Variants in NFAT5 observed in about 807,000 individuals in gnomAD.
NFAT5 encodes the protein nuclear factor of activated T-cells 5.
NFAT5 carries 31 observed loss-of-function variants against 166.5 expected under a neutral mutation model. The ratio of observed to expected loss-of-function variants is 0.19; its 90% CI spans 0.14 to 0.25. NFAT5 has a LOEUF of 0.25. NFAT5 is among the 10% of genes least tolerant of loss of function. The pLI is 1.00. For missense variants in NFAT5, 1,449 were observed against 1,821.8 expected, an observed-to-expected ratio of 0.80 and a Z score of 3.72; for synonymous variants, 612 against 639.7, an observed-to-expected ratio of 0.96 and a Z score of 0.65.
intron 9 of NFAT5, among the ~76,000 whole-genome samples, chr16:69,671,844 G>A (rs568859414): frequency 1.3e-5 from 2 of 152,274 alleles, no homozygotes; most frequent in South Asian, 4.2e-4. Context: ...TTACCAAGCA[G>A]GGAAGCTCAC....
intron 3 of NFAT5, among the ~76,000 whole-genome samples, chr16:69,631,290 G>T (rs921944275): frequency 8.6e-5 from 13 of 152,044 alleles, no homozygotes; most frequent in Non-Finnish European, 1.8e-4. Flanking sequence ...AATTAGCTGG[G>T]CATGGTGGCA....
intron 4 of NFAT5, among the ~76,000 whole-genome samples, chr16:69,652,688 A>T (rs1419597171): frequency 6.6e-6 from 1 of 152,154 alleles, no homozygotes; most frequent in Non-Finnish European, 1.5e-5. Context: ...AATAAGCTAC[A>T]TATACCTTCA....
At chr16:69,571,006 C>A (rs969706032) in intron 2 of NFAT5, among the ~76,000 whole-genome samples, 5 of 151,776 alleles carry the variant, frequency 3.3e-5, no homozygotes, top group Admixed American at 3.3e-4. Flanking sequence ...AAACTAAATG[C>A]TAGCTGTAGA....
chr16:69,644,204 G>C (rs1258408989), intron 3 of NFAT5, among the ~76,000 whole-genome samples: 1 of 151,850 alleles, frequency 6.6e-6, no homozygotes, highest in Non-Finnish European at 1.5e-5. Context: ...AGGATTGCTT[G>C]AGCCCAGGAG....
At chr16:69,611,837 A>G (rs561299788) in intron 2 of NFAT5, among the ~76,000 whole-genome samples, 1 of 152,382 alleles carries the variant, frequency 6.6e-6, no homozygotes, top group African/African-American at 2.4e-5. Context: ...CTATAGCACC[A>G]GACAAGCAAG....
At chr16:69,580,366 A>G (rs964492965) in intron 2 of NFAT5, among the ~76,000 whole-genome samples, 2 of 151,748 alleles carry the variant, frequency 1.3e-5, no homozygotes, top group Non-Finnish European at 2.9e-5. Flanking sequence ...CATCTCTACT[A>G]AAAAATACAA....
intron 2 of NFAT5, among the ~76,000 whole-genome samples, chr16:69,577,137 C>T (rs2016805177): frequency 6.6e-6 from 1 of 152,104 alleles, no homozygotes; most frequent in South Asian, 2.1e-4. Context: ...CCCGTGTATC[C>T]GTTTTCTCAC....
chr16:69,613,158 C>T (rs2033782624), intron 2 of NFAT5, among the ~76,000 whole-genome samples: 2 of 152,272 alleles, frequency 1.3e-5, no homozygotes, highest in African/African-American at 2.4e-5. Flanking sequence ...CCTTCCCCAC[C>T]GTAGCCAGTG....
At position 69,691,834 on chromosome 16, in the gene NFAT5, C is replaced by T; in HGVS notation, c.2009C>T (p.Ser670Phe). The T allele has an allele frequency of 1.2e-6, 2 of 1,614,168 alleles. No individual in the cohort carries two copies. The highest frequency in any genetic ancestry group is 1.1e-5 in the South Asian group (1 of 91,080). Reference protein sequence around the residue: ...AGNGSFSSPSSSHLPSENEKQ... With the variant: ...AGNGSFSSPSFSHLPSENEKQ... Reference sequence around the variant, plus strand: ...AATGGCTCTTTTTCATCACCATCATCTTCCCACCTACCTTCTGAAAATGAA... The same window carrying T: ...AATGGCTCTTTTTCATCACCATCATTTTCCCACCTACCTTCTGAAAATGAA... The change falls in exon 13 of 15, where the codon TCT (serine) becomes TTT (phenylalanine). Residue 670 changes from serine (S) to phenylalanine (F), a missense_variant. Around this residue, in one of 7 missense-constraint regions of NFAT5, gnomAD observed 245 missense variants for 366.6 expected, o/e 0.67. Coordinates refer to ENST00000349945, the MANE Select transcript of NFAT5 (RefSeq NM_138713.4).
chr16:69,686,352 CA>C (rs1264333069), intron 11 of NFAT5, among the ~76,000 whole-genome samples: 134 of 141,328 alleles, frequency 9.5e-4, no homozygotes, highest in Admixed American at 1.6e-3. Flanking sequence ...GACTCGGTCT[CA>C]AAAAAAAAAA....
At chr16:69,686,915 G>GA (rs1451644632) in intron 11 of NFAT5, among the ~76,000 whole-genome samples, 1 of 151,918 alleles carries the variant, frequency 6.6e-6, no homozygotes, top group African/African-American at 2.4e-5. Context: ...GATTACTTGA[G>GA]AAAAAATGCA....
intron 5 of NFAT5, 130 bp downstream of exon 5, chr16:69,653,558 C>T: frequency 3.4e-6 from 2 of 592,050 alleles, no homozygotes; most frequent in Non-Finnish European, 5.4e-6. Context: ...TTAGATTCAT[C>T]CCAAACTTTA....
rs1429061515 is a variant in NFAT5 at position 69,704,362 on chromosome 16, T to C, written c.*8011T>C. 1 of 152,666 alleles carries C rather than the reference T, an allele frequency of 6.6e-6. No individual in the cohort carries two copies. Among genetic ancestry groups the C allele is most frequent in the African/African-American group, 2.4e-5 (1 of 41,466 alleles). 9.5% of individuals were successfully genotyped at this position (152,666 alleles called of 1,614,324 possible). A position where few individuals can be genotyped will look rare whatever the true frequency, so the allele number is the denominator to read the frequency against. ...GCCATTTTTAATTTTTATTTAATTT[T>C]ATTTGCTTGAGCACACTGATCAACC... On this transcript the variant is annotated 3_prime_UTR_variant, in exon 15 of 15. Transcript: ENST00000349945.
chr16:69,614,062 T>G (rs183981203), intron 2 of NFAT5, among the ~76,000 whole-genome samples: 1 of 152,262 alleles, frequency 6.6e-6, no homozygotes, highest in African/African-American at 2.4e-5. Flanking sequence ...TATTTGGTTT[T>G]GTTTGATTTT....
rs137875091 is a variant in NFAT5 at position 69,699,667 on chromosome 16, A to T, written c.*3316A>T. 4 of 152,806 alleles carry T rather than the reference A, an allele frequency of 2.6e-5. No individual in the cohort carries two copies. Among genetic ancestry groups the T allele is most frequent in the African/African-American group, 9.6e-5 (4 of 41,592 alleles). The allele number at this position is 152,806 out of a possible 1,614,324, so 9.5% of individuals were successfully genotyped here. On this transcript the variant is annotated 3_prime_UTR_variant, in exon 15 of 15. Coordinates refer to ENST00000349945, the MANE Select transcript of NFAT5 (RefSeq NM_138713.4). ...ACATATGGGAGAGACTCAGTGAGCCAGCAAAGGCCATAGAAACAACAATTT... is the reference window on the plus strand; with the variant it reads ...ACATATGGGAGAGACTCAGTGAGCCTGCAAAGGCCATAGAAACAACAATTT...
chr16:69,628,523 A>G (rs2034566249), intron 3 of NFAT5, among the ~76,000 whole-genome samples: 1 of 152,196 alleles, frequency 6.6e-6, no homozygotes, highest in Non-Finnish European at 1.5e-5. Flanking sequence ...GGATTCTAAT[A>G]GCTTAGAAAG....
Position 69,693,281 on chromosome 16 carries a change from C to T in NFAT5, c.3456C>T (p.Asp1152=). The T allele has an allele frequency of 6.2e-7, 1 of 1,614,146 alleles. No homozygotes were observed. The highest frequency in any genetic ancestry group is 1.1e-5 in the South Asian group (1 of 91,078). The change falls in exon 13 of 15, where the codon GAC becomes GAT. Residue 1152 remains aspartate (D), a synonymous_variant. Transcript: ENST00000349945. Reference sequence around the variant, plus strand: ...TACAGGGCTCTTCAGTTCCTCAAGACCAGCAGTCAACCAACATATTTCTTT... The same window carrying T: ...TACAGGGCTCTTCAGTTCCTCAAGATCAGCAGTCAACCAACATATTTCTTT... ...AVLQGSSVPQ[D]QQSTNIFLSQ...
intron 3 of NFAT5, among the ~76,000 whole-genome samples, chr16:69,635,084 C>G (rs1051495801): frequency 7.0e-6 from 1 of 143,342 alleles, no homozygotes; most frequent in East Asian, 2.1e-4. Flanking sequence ...GATCTCAGCT[C>G]ACTGAAACCT....
At chr16:69,607,444 G>A (rs999268593) in intron 2 of NFAT5, among the ~76,000 whole-genome samples, 6 of 152,116 alleles carry the variant, frequency 3.9e-5, no homozygotes, top group Non-Finnish European at 8.8e-5. Flanking sequence ...TATCTGTTAC[G>A]TATAGTCATG....
Sources: allele counts gnomAD v4.1 joint callset (sites outside exome capture counted in the v4.1 genomes callset), GRCh38; gene constraint gnomAD v4.1.1; regional missense constraint gnomAD v4.1.1; transcripts MANE v1.5; gene names NCBI Gene and HGNC (gene_info 2026-07-23, HGNC 2026-07-21).